The following LINGO2 variants were observed in gnomAD, a reference collection of about 807,000 sequenced individuals.
The protein encoded by LINGO2 is leucine rich repeat and Ig domain containing 2.
LINGO2 carries 14 observed loss-of-function variants against 30.6 expected under a neutral mutation model. The ratio of observed to expected loss-of-function variants is 0.46; its 90% CI spans 0.30 to 0.72. The LOEUF (loss-of-function observed/expected upper bound fraction) is 0.72, where lower values mean the gene tolerates loss of function less well. Among genes scored for constraint, LINGO2 ranks in the 30% least tolerant of loss-of-function variants. The pLI, the probability that LINGO2 is intolerant of heterozygous loss-of-function variation, is 0.07. For synonymous variants in LINGO2, 317 were observed against 288.5 expected, an observed-to-expected ratio of 1.10 and a Z score of -1.00; for missense variants, 729 against 751.7, an observed-to-expected ratio of 0.97 and a Z score of 0.35.
At position 28,367,100 on chromosome 9, in the gene LINGO2, T is replaced by TATATA. The variant is rs1564153624; in HGVS notation, c.-246+5735_-246+5736insTATAT. The stretch of plus-strand genomic sequence containing the variant: ...CTATATAGTTGTATTATAATTTTGG[T>TATATA]TAAATCAAAAGTCAGCACATATTAT... On this transcript the variant is annotated intron_variant, in intron 3 of 5. Coordinates refer to ENST00000379992, the Ensembl canonical transcript of LINGO2. 9.5e-3 allele frequency among the ~76,000 whole-genome samples: 1,369 copies of TATATA among 144,300 alleles called. 14 individuals carry two copies. The highest frequency in any genetic ancestry group is 0.033 in the African/African-American group (1,287 of 38,468). The allele number at this position is 144,300 out of a possible 152,430, so 94.7% of individuals were successfully genotyped here.
At chr9:29,074,572 A>G in the LINGO2 span, among the ~76,000 whole-genome samples, 2 of 151,956 alleles carry the variant, frequency 1.3e-5, no homozygotes, top group Non-Finnish European at 2.9e-5. Flanking sequence ...TGGCACATCC[A>G]TAGGTTTACA....
intron 4 of LINGO2, among the ~76,000 whole-genome samples, chr9:28,218,346 T>C (rs936070647): frequency 6.6e-6 from 1 of 151,822 alleles, no homozygotes; most frequent in East Asian, 1.9e-4. Flanking sequence ...CCTAAGCTAG[T>C]TAAGTATGCA....
At chr9:28,423,708 A>C (rs1293556654) in intron 2 of LINGO2, among the ~76,000 whole-genome samples, 5 of 152,136 alleles carry the variant, frequency 3.3e-5, no homozygotes, top group Non-Finnish European at 7.4e-5. Context: ...TCTATGTTTT[A>C]TATAAATATG....
the LINGO2 span, among the ~76,000 whole-genome samples, chr9:29,173,216 T>C: frequency 6.6e-6 from 1 of 152,182 alleles, no homozygotes; most frequent in African/African-American, 2.4e-5. Flanking sequence ...TCCTGACTAC[T>C]ATCCCAAGAG....
At chr9:28,583,707 A>C (rs1790555456) in intron 1 of LINGO2, among the ~76,000 whole-genome samples, 1 of 152,054 alleles carries the variant, frequency 6.6e-6, no homozygotes, top group African/African-American at 2.4e-5. Flanking sequence ...GCAAAATATG[A>C]ATGATTCTAT....
chr9:28,992,886 G>C, the LINGO2 span, among the ~76,000 whole-genome samples: 1 of 151,854 alleles, frequency 6.6e-6, no homozygotes, highest in Non-Finnish European at 1.5e-5. Context: ...GAAATTTATA[G>C]CACTAAATGC....
At chr9:27,965,572 G>T (rs1820062744) in intron 5 of LINGO2, among the ~76,000 whole-genome samples, 1 of 151,970 alleles carries the variant, frequency 6.6e-6, no homozygotes, top group South Asian at 2.1e-4. Context: ...TGAACAATTA[G>T]CAAAGCTTGT....
intron 1 of LINGO2, chr9:28,598,558 C>A (rs12002311): frequency 0.17 from 25,672 of 152,148 alleles, 2,492 homozygotes; most frequent in Admixed American, 0.28. Flanking sequence ...GCCAGGAACA[C>A]AGCAGGGAGG....
the LINGO2 span, among the ~76,000 whole-genome samples, chr9:28,891,253 T>C: frequency 6.6e-6 from 1 of 151,924 alleles, no homozygotes. Context: ...AGCAATGTAT[T>C]CTATGTGTGC....
intron 3 of LINGO2, among the ~76,000 whole-genome samples, chr9:28,331,504 T>C (rs1186967168): frequency 1.3e-5 from 2 of 152,004 alleles, no homozygotes; most frequent in Non-Finnish European, 2.9e-5. Context: ...ATTGTTACAG[T>C]TTTTCTTTTT....
At chr9:28,216,634 T>C (rs1820777900) in intron 4 of LINGO2, among the ~76,000 whole-genome samples, 1 of 151,902 alleles carries the variant, frequency 6.6e-6, no homozygotes, top group Admixed American at 6.6e-5. Context: ...AAATTATATC[T>C]ATTTAAATAT....
At chr9:28,295,965 C>T (rs1411512133) in intron 3 of LINGO2, among the ~76,000 whole-genome samples, 1 of 152,104 alleles carries the variant, frequency 6.6e-6, no homozygotes, top group Non-Finnish European at 1.5e-5. Flanking sequence ...TATCAACATA[C>T]AGACTGTATG....
intron 1 of LINGO2, among the ~76,000 whole-genome samples, chr9:28,637,358 A>G (rs1827331534): frequency 1.3e-5 from 2 of 152,270 alleles, no homozygotes; most frequent in Non-Finnish European, 2.9e-5. Context: ...TTCTGTGAAA[A>G]AAGTCATTGA....
At chr9:28,537,950 C>T (rs1821507999) in intron 1 of LINGO2, among the ~76,000 whole-genome samples, 1 of 150,556 alleles carries the variant, frequency 6.6e-6, no homozygotes, top group Non-Finnish European at 1.5e-5. Context: ...GAAAAAGTTG[C>T]CCTAAAATTC....
intron 2 of LINGO2, among the ~76,000 whole-genome samples, chr9:28,424,386 A>G (rs187693485): frequency 1.3e-5 from 2 of 152,280 alleles, no homozygotes; most frequent in African/African-American, 4.8e-5. Context: ...AAAATGTGGG[A>G]GAACCGAGGT....
At chr9:27,967,788 CT>C (rs1163798497) in intron 5 of LINGO2, among the ~76,000 whole-genome samples, 3 of 152,046 alleles carry the variant, frequency 2.0e-5, no homozygotes, top group Non-Finnish European at 4.4e-5. Context: ...TAATGTAATC[CT>C]TTTCCAGATA....
the LINGO2 span, among the ~76,000 whole-genome samples, chr9:28,898,846 T>C: frequency 6.6e-6 from 1 of 152,066 alleles, no homozygotes; most frequent in Non-Finnish European, 1.5e-5. Flanking sequence ...GGTAATAAAA[T>C]AATCTGTACC....
At chr9:28,577,909 A>G (rs1430133944) in intron 1 of LINGO2, among the ~76,000 whole-genome samples, 3 of 152,186 alleles carry the variant, frequency 2.0e-5, no homozygotes, top group South Asian at 4.1e-4. Flanking sequence ...ACACAAAGAA[A>G]TGGAAGCTTT....
chr9:28,918,304 C>T, the LINGO2 span, among the ~76,000 whole-genome samples: 1 of 152,064 alleles, frequency 6.6e-6, no homozygotes, highest in East Asian at 1.9e-4. Flanking sequence ...GGAAAACCAC[C>T]CCCCCAGGGT....
Sources: allele counts gnomAD v4.1 joint callset (sites outside exome capture counted in the v4.1 genomes callset), GRCh38; gene constraint gnomAD v4.1.1; transcripts MANE v1.5; gene names NCBI Gene and HGNC (gene_info 2026-07-23, HGNC 2026-07-21).